The following ANKRD11 variants were observed in gnomAD, a reference collection of about 807,000 sequenced individuals.
ANKRD11 encodes ankyrin repeat domain-containing protein 11.
ANKRD11 carries 17 observed loss-of-function variants against 195.7 expected under a neutral mutation model. That is an observed-to-expected ratio of 0.09 (90% CI 0.06 to 0.13). ANKRD11 has a LOEUF of 0.13. Among genes scored for constraint, ANKRD11 ranks in the 10% least tolerant of loss-of-function variants. ANKRD11 has a pLI of 1.00. For missense variants in ANKRD11, 3,735 were observed against 3,566.1 expected, an observed-to-expected ratio of 1.05 and a Z score of -1.21; for synonymous variants, 1,953 against 1,528.1, an observed-to-expected ratio of 1.28 and a Z score of -6.49.
rs771309106 is a variant in ANKRD11 at position 89,281,162 on chromosome 16, C to T, written c.5380G>A (p.Asp1794Asn). Residue 1794 changes from aspartate to asparagine, a missense_variant, in exon 9 of 13, where the codon GAC becomes AAC. Asp to Asn is a conservative substitution (Grantham distance 23). Coordinates refer to ENST00000301030, the MANE Select transcript of ANKRD11 (RefSeq NM_013275.6). The surrounding 1 kb of genome is among the most constrained non-coding windows in gnomAD (Gnocchi z 5.5). ...TCTTCCTCGGGGGTCCTCCTAATGTCGACAGAGACCGAGCGGTAAAGGTTT... is the reference window on the plus strand; with the variant it reads ...TCTTCCTCGGGGGTCCTCCTAATGTTGACAGAGACCGAGCGGTAAAGGTTT... ...STNLYRSVSV[D>N]IRRTPEEEFS... The T allele has an allele frequency of 1.2e-6, 2 of 1,614,106 alleles. No homozygotes were observed. The highest frequency in any genetic ancestry group is 3.3e-5 in the Admixed American group (2 of 60,024).
At chr16:89,349,597 C>T (rs2039111898) in intron 2 of ANKRD11, among the ~76,000 whole-genome samples, 1 of 152,086 alleles carries the variant, frequency 6.6e-6, no homozygotes, top group African/African-American at 2.4e-5. Context: ...AATTGAATAT[C>T]CTCATGCAAA....
intron 2 of ANKRD11, among the ~76,000 whole-genome samples, chr16:89,400,929 C>A (rs536821701): frequency 6.6e-6 from 1 of 152,304 alleles, no homozygotes; most frequent in Non-Finnish European, 1.5e-5. Flanking sequence ...TCACAGGCTC[C>A]ACCCTGCTCG....
chr16:89,268,754 G>GT, intron 12 of ANKRD11, 91 bp from the exon 13 acceptor site: 1 of 1,457,818 alleles, frequency 6.9e-7, no homozygotes. Context: ...GGCCAAGGGC[G>GT]TGATACGGCC....
chr16:89,282,077 T>C lies in ANKRD11; in HGVS notation c.4465A>G (p.Arg1489Gly). 5 of 1,613,420 alleles carry C rather than the reference T, an allele frequency of 3.1e-6. No individual in the cohort carries two copies. Among genetic ancestry groups the C allele is most frequent in the Non-Finnish European group, 4.2e-6 (5 of 1,179,712 alleles). The change falls in exon 9 of 13, where the codon AGG (arginine) becomes GGG (glycine). Residue 1489 changes from arginine (R) to glycine (G), a missense_variant. Coordinates refer to ENST00000301030, the MANE Select transcript of ANKRD11 (RefSeq NM_013275.6). The stretch of plus-strand genomic sequence containing the variant: ...CTGTGATGCCGCAGGAGCTCGTCCC[T>C]GTGATGCCGCAGCAGCCCATCCGCA... ...RHADGLLRHHRDELLRHHRDE... is the reference protein window; with the variant it reads ...RHADGLLRHHGDELLRHHRDE...
At chr16:89,396,083 G>C (rs971524358) in intron 2 of ANKRD11, 2 of 152,218 alleles carry the variant, frequency 1.3e-5, no homozygotes, top group African/African-American at 4.8e-5. Context: ...AGGAAAGACA[G>C]CTGCAAGTTC....
intron 2 of ANKRD11, among the ~76,000 whole-genome samples, chr16:89,359,259 A>C (rs940670651): frequency 6.6e-6 from 1 of 152,218 alleles, no homozygotes; most frequent in African/African-American, 2.4e-5. Flanking sequence ...TGCTAGATGC[A>C]AACTGCTTGA....
chr16:89,365,713 C>T (rs1025696278), intron 2 of ANKRD11, among the ~76,000 whole-genome samples: 3 of 152,110 alleles, frequency 2.0e-5, no homozygotes, highest in Non-Finnish European at 2.9e-5. Flanking sequence ...AGAAACCCAA[C>T]GTTTTTTTTA....
chr16:89,324,180 G>C (rs1331507216), intron 2 of ANKRD11: 3 of 1,157,970 alleles, frequency 2.6e-6, no homozygotes, highest in African/African-American at 1.6e-5. Flanking sequence ...ATCACGGCGG[G>C]GGGTGGCAGC....
chr16:89,313,227 C>T (rs1326222433), intron 3 of ANKRD11: 1 of 1,217,974 alleles, frequency 8.2e-7, no homozygotes, highest in South Asian at 1.4e-5. Context: ...GTGCATGGAG[C>T]ACAATGAGAC....
intron 1 of ANKRD11, among the ~76,000 whole-genome samples, chr16:89,488,036 C>A (rs557904906): frequency 6.6e-6 from 1 of 151,968 alleles, no homozygotes; most frequent in African/African-American, 2.4e-5. Flanking sequence ...AGAAGGCTGA[C>A]GCAAATGAGA....
At chr16:89,269,139 C>A (rs2032904114) in intron 12 of ANKRD11, among the ~76,000 whole-genome samples, 1 of 152,144 alleles carries the variant, frequency 6.6e-6, no homozygotes, top group African/African-American at 2.4e-5. Context: ...GAAGCGTGGC[C>A]AGGGAGTACT....
chr16:89,366,019 T>A (rs913366889), intron 2 of ANKRD11, among the ~76,000 whole-genome samples: 1 of 151,840 alleles, frequency 6.6e-6, no homozygotes, highest in African/African-American at 2.4e-5. Context: ...GCTCTATCCA[T>A]GTTCCACAAA....
chr16:89,284,907 G>C lies in ANKRD11; in HGVS notation c.1635C>G (p.His545Gln). 1 of 1,614,200 alleles carries C rather than the reference G, an allele frequency of 6.2e-7. No individual in the cohort carries two copies. The highest frequency in any genetic ancestry group is 1.7e-5 in the Admixed American group (1 of 60,030). The change falls in exon 9 of 13, where the codon CAC becomes CAG. Residue 545 changes from histidine (H) to glutamine (Q), a missense_variant. By Grantham distance (24) the His-to-Gln change is conservative (BLOSUM62 0). Coordinates refer to ENST00000301030, the MANE Select transcript of ANKRD11 (RefSeq NM_013275.6). The stretch of plus-strand genomic sequence containing the variant: ...TGGTTTTCCAATTGTCTGTCCGCCA[G>C]TGCTTGGTGTGCTGGTCTGTGTGGC... ...NPSHTDQHTKHWRTDNWKTIS... is the reference protein window; with the variant it reads ...NPSHTDQHTKQWRTDNWKTIS...
chr16:89,384,874 GTTTTCTTTTTTTTTTT>G (rs1231067311), intron 2 of ANKRD11, among the ~76,000 whole-genome samples: 1 of 72,752 alleles, frequency 1.4e-5, no homozygotes, highest in Non-Finnish European at 2.6e-5. Context: ...ATGAGAAATA[GTTTTCTTTTTTTTTTT>G]TTTTTTTTTT....
At chr16:89,268,812 C>T in intron 12 of ANKRD11, 149 bp from the exon 13 acceptor site, 4 of 886,848 alleles carry the variant, frequency 4.5e-6, no homozygotes, top group Non-Finnish European at 5.2e-6. Context: ...CCGCTCCTGG[C>T]ATCTAGTTAC....
intron 1 of ANKRD11, among the ~76,000 whole-genome samples, chr16:89,470,611 A>C (rs9932815): frequency 1.3e-5 from 2 of 151,926 alleles, no homozygotes; most frequent in African/African-American, 4.8e-5. Flanking sequence ...TTTGGGAGGC[A>C]AAGGCAGGTA....
intron 2 of ANKRD11, among the ~76,000 whole-genome samples, chr16:89,382,375 GA>G (rs1244319410): frequency 1.3e-5 from 2 of 151,992 alleles, no homozygotes; most frequent in African/African-American, 2.4e-5. Flanking sequence ...ACCCAGGCTG[GA>G]GGGCAATGGT....
intron 2 of ANKRD11, among the ~76,000 whole-genome samples, 194 bp from the exon 3 acceptor site, chr16:89,317,272 T>C (rs1467595724): frequency 6.6e-6 from 1 of 152,148 alleles, no homozygotes; most frequent in East Asian, 1.9e-4. Context: ...GCAACAGGAA[T>C]GGCAGCTTTG....
At chr16:89,356,239 T>C (rs1567693693) in intron 2 of ANKRD11, among the ~76,000 whole-genome samples, 2 of 152,056 alleles carry the variant, frequency 1.3e-5, no homozygotes, top group Non-Finnish European at 2.9e-5. Context: ...TTTTAAAAAC[T>C]GATTACAGAC....
Sources: gnomAD v4.1 joint callset for allele counts (sites outside exome capture counted in the v4.1 genomes callset) on GRCh38, gnomAD v4.1.1 for gene constraint, Gnocchi (gnomAD v3.1) non-coding constraint, MANE v1.5 for transcripts, NCBI Gene and HGNC (gene_info 2026-07-23, HGNC 2026-07-21) for gene names.